The following DLG2 variants were observed in gnomAD, a reference collection of about 807,000 sequenced individuals.
DLG2 encodes the protein disks large homolog 2.
In DLG2, 45 loss-of-function variants were observed where a neutral mutation model predicts 132.5. That is an observed-to-expected ratio of 0.34 (90% CI 0.27 to 0.44). The LOEUF is 0.44. DLG2 is among the 20% of genes least tolerant of loss of function. The probability of loss-of-function intolerance (pLI) is 1.00; values close to 1 mark genes in which losing one functional copy is unlikely to be tolerated. For missense variants in DLG2, 1,045 were observed against 1,196.9 expected (o/e 0.87, Z 1.87); for synonymous variants, 424 against 419.6 (o/e 1.01, Z -0.13).
At chr11:83,842,317 C>A (rs1295456423) in intron 16 of DLG2, among the ~76,000 whole-genome samples, 1 of 152,080 alleles carries the variant, frequency 6.6e-6, no homozygotes, top group African/African-American at 2.4e-5. Context: ...AAATTACCGC[C>A]AGGCTTGGTG....
At chr11:84,186,791 A>C (rs1448078207) in intron 8 of DLG2, among the ~76,000 whole-genome samples, 1 of 152,122 alleles carries the variant, frequency 6.6e-6, no homozygotes, top group Non-Finnish European at 1.5e-5. Context: ...CAGCTTCAAT[A>C]AACTACTAGT....
chr11:83,621,961 C>T (rs752647680), intron 19 of DLG2, among the ~76,000 whole-genome samples: 7 of 152,138 alleles, frequency 4.6e-5, no homozygotes, highest in Non-Finnish European at 8.8e-5. Flanking sequence ...GTCACCCAGG[C>T]TGGAGTTCAG....
chr11:85,026,460 A>C (rs1415948731), intron 6 of DLG2, among the ~76,000 whole-genome samples: 1 of 152,188 alleles, frequency 6.6e-6, no homozygotes, highest in Non-Finnish European at 1.5e-5. Context: ...AGAAATAACA[A>C]CTTTCACAGA....
chr11:83,922,272 GC>G (rs1471809735), intron 15 of DLG2, among the ~76,000 whole-genome samples: 1 of 152,098 alleles, frequency 6.6e-6, no homozygotes, highest in African/African-American at 2.4e-5. Flanking sequence ...TTCACAGATT[GC>G]ATTGCAGAGG....
At chr11:85,112,194 G>T (rs1407309944) in intron 5 of DLG2, among the ~76,000 whole-genome samples, 1 of 152,050 alleles carries the variant, frequency 6.6e-6, no homozygotes, top group Non-Finnish European at 1.5e-5. Flanking sequence ...TAGAACTCCA[G>T]AATGTTGGGT....
intron 16 of DLG2, among the ~76,000 whole-genome samples, chr11:83,868,192 G>A (rs2062762598): frequency 6.6e-6 from 1 of 152,240 alleles, no homozygotes; most frequent in Middle Eastern, 3.4e-3. Context: ...AGGGATGGAA[G>A]GAAGGCCTGC....
intron 6 of DLG2, among the ~76,000 whole-genome samples, chr11:84,853,785 T>C (rs762705128): frequency 5.9e-5 from 9 of 152,056 alleles, no homozygotes; most frequent in Non-Finnish European, 8.8e-5. Context: ...AATTGAATCA[T>C]TTGTACTCAA....
chr11:83,705,008 A>AT (rs1366147693), intron 18 of DLG2, among the ~76,000 whole-genome samples: 3 of 152,196 alleles, frequency 2.0e-5, no homozygotes, highest in Non-Finnish European at 2.9e-5. Context: ...TTGCACAAAT[A>AT]TACCTCCTGA....
intron 6 of DLG2, among the ~76,000 whole-genome samples, chr11:84,940,454 T>C (rs989969152): frequency 2.6e-5 from 4 of 152,204 alleles, no homozygotes; most frequent in African/African-American, 9.6e-5. Flanking sequence ...CCAGCCATGA[T>C]TTACACTTCT....
At chr11:85,476,562 C>G (rs982821888) in intron 3 of DLG2, among the ~76,000 whole-genome samples, 1 of 152,044 alleles carries the variant, frequency 6.6e-6, no homozygotes, top group East Asian at 1.9e-4. Context: ...TAGAGCAATA[C>G]AAAAATCTTT....
rs570382617 is a variant in DLG2 at position 85,366,748 on chromosome 11, C to T, written c.41-81383G>A. Among the ~76,000 whole-genome samples the T allele has an allele frequency of 7.9e-5, 12 of 152,146 alleles. No homozygotes were observed. In the South Asian group the frequency reaches 2.1e-3, roughly 26 times the overall value. On this transcript the variant is annotated intron_variant, in intron 3 of 27. Transcript: ENST00000376104. ...ATTTTGATGTATATATAGCCATAAT[C>T]GTTGGATTTATTTTCTTCCCACCAA...
intron 11 of DLG2, among the ~76,000 whole-genome samples, chr11:84,036,326 C>A (rs1424785907): frequency 1.3e-5 from 2 of 152,066 alleles, no homozygotes; most frequent in Non-Finnish European, 2.9e-5. Context: ...AGCTTCTTCC[C>A]AGAATAGCTG....
At chr11:85,117,613 A>T (rs2073803452) in intron 5 of DLG2, among the ~76,000 whole-genome samples, 1 of 14,116 alleles carries the variant, frequency 7.1e-5, no homozygotes. Context: ...GGTAAATAGA[A>T]AAAAAAAAAA....
At chr11:83,730,396 A>G (rs1453863840) in intron 18 of DLG2, among the ~76,000 whole-genome samples, 3 of 152,168 alleles carry the variant, frequency 2.0e-5, no homozygotes, top group African/African-American at 7.2e-5. Flanking sequence ...AATGTATATG[A>G]TTGTGGGAGA....
intron 6 of DLG2, chr11:84,923,494 A>T: frequency 9.7e-7 from 1 of 1,029,302 alleles, no homozygotes; most frequent in Non-Finnish European, 1.2e-6. Flanking sequence ...AAGGTGAAGA[A>T]TTGAAATTTA....
intron 6 of DLG2, among the ~76,000 whole-genome samples, chr11:84,584,535 T>C (rs2099524411): frequency 6.6e-6 from 1 of 151,346 alleles, no homozygotes; most frequent in Non-Finnish European, 1.5e-5. Context: ...ATTATTATTA[T>C]TTTATAGAGA....
chr11:84,121,122 C>T (rs973758411), intron 9 of DLG2, among the ~76,000 whole-genome samples: 7 of 152,090 alleles, frequency 4.6e-5, no homozygotes, highest in African/African-American at 1.2e-4. Context: ...TGGATATATA[C>T]GGTGAACAAA....
chr11:85,499,649 A>G (rs921605682), intron 3 of DLG2, among the ~76,000 whole-genome samples: 12 of 152,200 alleles, frequency 7.9e-5, no homozygotes, highest in African/African-American at 2.7e-4. Flanking sequence ...CAAAAAAAAG[A>G]TAATTTTAGA....
intron 8 of DLG2, among the ~76,000 whole-genome samples, chr11:84,250,931 T>C (rs1021151148): frequency 7.2e-5 from 11 of 152,226 alleles, no homozygotes; most frequent in African/African-American, 2.7e-4. Flanking sequence ...CCAAAGAAGT[T>C]TGCTAGTGTC....
Sources: allele counts gnomAD v4.1 joint callset (sites outside exome capture counted in the v4.1 genomes callset), GRCh38; gene constraint gnomAD v4.1.1; transcripts MANE v1.5; gene names NCBI Gene and HGNC (gene_info 2026-07-23, HGNC 2026-07-21).